Variants in ZNF385D observed in about 807,000 individuals in gnomAD.
The protein encoded by ZNF385D is zinc finger protein 385D.
Under a neutral mutation model 35.8 loss-of-function variants are expected in ZNF385D, and 15 were observed. The observed-to-expected ratio is 0.42, with a 90% CI of 0.28 to 0.64. ZNF385D has a LOEUF of 0.64. ZNF385D is among the 30% of genes least tolerant of loss of function. The pLI is 0.23. For synonymous variants in ZNF385D, 212 were observed against 186.8 expected, an observed-to-expected ratio of 1.13 and a Z score of -1.10; for missense variants, 474 against 494.6, an observed-to-expected ratio of 0.96 and a Z score of 0.39.
intron 3 of ZNF385D, among the ~76,000 whole-genome samples, chr3:21,765,095 A>G (rs375699868): frequency 6.6e-6 from 1 of 152,268 alleles, no homozygotes; most frequent in East Asian, 1.9e-4. Flanking sequence ...GAGAGTCTTT[A>G]TAAGTACAGT....
chr3:21,777,415 G>A (rs963180872), intron 3 of ZNF385D, among the ~76,000 whole-genome samples: 2 of 151,908 alleles, frequency 1.3e-5, no homozygotes, highest in Non-Finnish European at 2.9e-5. Context: ...GATGGGCAAA[G>A]CATCATGTTC....
At chr3:22,111,941 T>C (rs1284714452) in intron 3 of ZNF385D, among the ~76,000 whole-genome samples, 1 of 152,122 alleles carries the variant, frequency 6.6e-6, no homozygotes, top group Admixed American at 6.6e-5. Flanking sequence ...GCTTGTCTAC[T>C]TCCATCAAAT....
chr3:21,694,144 A>C (rs183972246), intron 1 of ZNF385D, among the ~76,000 whole-genome samples: 3,941 of 148,074 alleles, frequency 0.027, 183 homozygotes, highest in African/African-American at 0.093. Flanking sequence ...CCCGGGTTCA[A>C]GCCATTCTCC....
intron 4 of ZNF385D, among the ~76,000 whole-genome samples, chr3:21,497,366 T>C (rs1466232799): frequency 6.6e-6 from 1 of 151,966 alleles, no homozygotes; most frequent in Non-Finnish European, 1.5e-5. Context: ...TCTACAAGAA[T>C]TACAAAACAC....
intron 3 of ZNF385D, among the ~76,000 whole-genome samples, chr3:22,069,065 T>C (rs1047868127): frequency 6.6e-6 from 1 of 152,212 alleles, no homozygotes; most frequent in Non-Finnish European, 1.5e-5. Flanking sequence ...ATTATATGTG[T>C]TCAACTAGTA....
At chr3:22,291,098 T>C (rs1490992698) in intron 2 of ZNF385D, among the ~76,000 whole-genome samples, 1 of 152,096 alleles carries the variant, frequency 6.6e-6, no homozygotes, top group Non-Finnish European at 1.5e-5. Flanking sequence ...GGATTAAGGC[T>C]TCATCATATG....
At chr3:21,641,631 G>A (rs1399382773) in intron 2 of ZNF385D, among the ~76,000 whole-genome samples, 1 of 111,464 alleles carries the variant, frequency 9.0e-6, no homozygotes, top group East Asian at 2.5e-4. Flanking sequence ...GAACAAGTCA[G>A]CTTTTTTTTT....
At chr3:21,445,202 G>A (rs567461949) in intron 4 of ZNF385D, among the ~76,000 whole-genome samples, 9 of 152,264 alleles carry the variant, frequency 5.9e-5, no homozygotes, top group African/African-American at 2.2e-4. Context: ...AAGTCAAAGC[G>A]TATATTCTCT....
chr3:21,762,779 C>T (rs953979183), intron 3 of ZNF385D, among the ~76,000 whole-genome samples: 6 of 152,116 alleles, frequency 3.9e-5, no homozygotes, highest in Admixed American at 6.6e-5. Flanking sequence ...GGCCCTTGGT[C>T]GTGGACCATA....
chr3:21,796,740 G>T (rs1291971404), intron 3 of ZNF385D, among the ~76,000 whole-genome samples: 1 of 152,146 alleles, frequency 6.6e-6, no homozygotes, highest in Non-Finnish European at 1.5e-5. Flanking sequence ...GGAAAATGAG[G>T]CTCAAAGAGT....
chr3:22,014,664 A>G (rs975831834), intron 3 of ZNF385D, among the ~76,000 whole-genome samples: 2 of 152,080 alleles, frequency 1.3e-5, no homozygotes, highest in South Asian at 4.2e-4. Flanking sequence ...TAATATGTGC[A>G]AGCAAATTGA....
intron 2 of ZNF385D, among the ~76,000 whole-genome samples, chr3:22,171,404 A>C (rs1694414992): frequency 6.6e-6 from 1 of 152,370 alleles, no homozygotes; most frequent in South Asian, 2.1e-4. Context: ...TTGCTTACAC[A>C]TGAGAAATTC....
intron 3 of ZNF385D, among the ~76,000 whole-genome samples, chr3:21,769,750 T>A (rs1402670796): frequency 7.3e-6 from 1 of 137,148 alleles, no homozygotes; most frequent in African/African-American, 2.8e-5. Context: ...AAAGTTCATA[T>A]GGAACCAAAA....
intron 3 of ZNF385D, among the ~76,000 whole-genome samples, chr3:22,011,963 T>C (rs1696601607): frequency 1.3e-5 from 2 of 152,274 alleles, no homozygotes; most frequent in African/African-American, 4.8e-5. Flanking sequence ...CTCCCTTCTT[T>C]TCTTCTTTGA....
intron 3 of ZNF385D, among the ~76,000 whole-genome samples, chr3:22,031,759 C>A (rs28780390): frequency 0.067 from 10,151 of 152,216 alleles, 1,154 homozygotes; most frequent in African/African-American, 0.23. Context: ...CAATTTCAAC[C>A]CAGAAAATGG....
intron 3 of ZNF385D, among the ~76,000 whole-genome samples, chr3:21,848,738 T>C (rs1485369882): frequency 6.6e-6 from 1 of 152,064 alleles, no homozygotes; most frequent in Non-Finnish European, 1.5e-5. Context: ...ACTGAAGCAG[T>C]AATCAAAAGC....
intron 3 of ZNF385D, among the ~76,000 whole-genome samples, chr3:22,005,056 CAAAAAAAAAAAAA>C (rs71044965): frequency 1.7e-5 from 1 of 57,356 alleles, no homozygotes. Context: ...CACTCAGCAG[CAAAAAAAAAAAAA>C]AAAAAAAAAA....
At chr3:21,485,035 C>T (rs763901787) in intron 4 of ZNF385D, among the ~76,000 whole-genome samples, 2 of 152,158 alleles carry the variant, frequency 1.3e-5, no homozygotes, top group Non-Finnish European at 2.9e-5. Context: ...TCTTCAAAGT[C>T]TCCTAATGCT....
At chr3:21,918,016 G>A (rs887975325) in intron 3 of ZNF385D, among the ~76,000 whole-genome samples, 15 of 152,296 alleles carry the variant, frequency 9.8e-5, no homozygotes, top group African/African-American at 3.6e-4. Context: ...TGAATTGATT[G>A]CTCAGGGAGG....
Sources: allele counts gnomAD v4.1 joint callset (sites outside exome capture counted in the v4.1 genomes callset), GRCh38; gene constraint gnomAD v4.1.1; transcripts MANE v1.5; gene names NCBI Gene and HGNC (gene_info 2026-07-23, HGNC 2026-07-21).